GPC5: variants seen among roughly 807,000 people sequenced by gnomAD.
GPC5 encodes the protein glypican 5, also known as glypican-5.
A neutral mutation model predicts 53.9 loss-of-function variants in GPC5; 47 were observed. The observed-to-expected ratio is 0.87, with a 90% CI of 0.69 to 1.11. The LOEUF is 1.11. Ranked by LOEUF, GPC5 falls within the 50% of genes most tolerant of loss-of-function variation. GPC5 has a pLI of 0.00. For synonymous variants in GPC5, 286 were observed against 263.3 expected, an observed-to-expected ratio of 1.09 and a Z score of -0.84; for missense variants, 748 against 713.1, an observed-to-expected ratio of 1.05 and a Z score of -0.56.
At chr13:91,952,988 A>C (rs2040041386) in intron 6 of GPC5, among the ~76,000 whole-genome samples, 1 of 152,208 alleles carries the variant, frequency 6.6e-6, no homozygotes, top group Admixed American at 6.5e-5. Flanking sequence ...TTATTGGCTT[A>C]ATTCAACAAA....
chr13:92,490,868 G>A (rs1879733744), intron 7 of GPC5, among the ~76,000 whole-genome samples: 1 of 151,962 alleles, frequency 6.6e-6, no homozygotes, highest in African/African-American at 2.4e-5. Context: ...GCTAATTATT[G>A]GAGGCAAGAA....
At chr13:92,479,246 C>T (rs78426699) in intron 7 of GPC5, among the ~76,000 whole-genome samples, 5,568 of 152,116 alleles carry the variant, frequency 0.037, 148 homozygotes, top group Non-Finnish European at 0.05. Context: ...AGGGACATAC[C>T]ACGATTGGGC....
chr13:92,125,180 A>G (rs2041684768), intron 6 of GPC5, among the ~76,000 whole-genome samples: 3 of 152,178 alleles, frequency 2.0e-5, no homozygotes, highest in Non-Finnish European at 4.4e-5. Flanking sequence ...GCTTAAAACT[A>G]AAGCCAACAA....
At chr13:92,197,869 C>T (rs980875566) in intron 7 of GPC5, among the ~76,000 whole-genome samples, 7 of 151,960 alleles carry the variant, frequency 4.6e-5, no homozygotes, top group Non-Finnish European at 8.8e-5. Context: ...CAAACAACTC[C>T]GTATGATACC....
At chr13:92,396,268 A>T (rs1875265076) in intron 7 of GPC5, among the ~76,000 whole-genome samples, 1 of 152,166 alleles carries the variant, frequency 6.6e-6, no homozygotes, top group South Asian at 2.1e-4. Flanking sequence ...TTGTAAAGCC[A>T]TGAAAGGCAT....
At chr13:91,801,253 TTGTGTGTGTGTG>T (rs71113762) in intron 5 of GPC5, among the ~76,000 whole-genome samples, 8,010 of 146,378 alleles carry the variant, frequency 0.055, 395 homozygotes, top group East Asian at 0.23. Flanking sequence ...CATCCATACT[TTGTGTGTGTGTG>T]TGTGTGTGTG....
intron 2 of GPC5, among the ~76,000 whole-genome samples, chr13:91,513,343 C>T (rs1314315034): frequency 6.8e-6 from 1 of 146,800 alleles, no homozygotes; most frequent in African/African-American, 2.6e-5. Flanking sequence ...ACTAATTTTA[C>T]TTGTTTTCAT....
chr13:91,742,786 A>G (rs1350337941), intron 4 of GPC5, among the ~76,000 whole-genome samples: 1 of 152,144 alleles, frequency 6.6e-6, no homozygotes, highest in Non-Finnish European at 1.5e-5. Flanking sequence ...TTCAGGCTCC[A>G]TTGGTGTTTC....
At chr13:91,514,236 A>T (rs1885381243) in intron 2 of GPC5, among the ~76,000 whole-genome samples, 2 of 152,204 alleles carry the variant, frequency 1.3e-5, no homozygotes, top group Admixed American at 6.5e-5. Flanking sequence ...TTTTTCCTGA[A>T]TGGCTGTACC....
chr13:91,994,199 T>C (rs1594712048), intron 6 of GPC5, among the ~76,000 whole-genome samples: 1 of 152,316 alleles, frequency 6.6e-6, no homozygotes, highest in South Asian at 2.1e-4. Context: ...AATATGCATG[T>C]ATACCGTAAA....
intron 1 of GPC5, among the ~76,000 whole-genome samples, chr13:91,428,788 T>G (rs1445031686): frequency 6.6e-6 from 1 of 152,206 alleles, no homozygotes; most frequent in Non-Finnish European, 1.5e-5. Context: ...CACGTGCTTA[T>G]TTGAACATAA....
intron 7 of GPC5, among the ~76,000 whole-genome samples, chr13:92,717,101 C>A (rs745457854): frequency 3.3e-5 from 5 of 151,906 alleles, no homozygotes; most frequent in Non-Finnish European, 7.4e-5. Context: ...ACTTCTCAAA[C>A]CGTATTCTTC....
chr13:91,635,727 C>CT (rs1332587968), intron 2 of GPC5, among the ~76,000 whole-genome samples: 2 of 151,996 alleles, frequency 1.3e-5, no homozygotes, highest in Non-Finnish European at 2.9e-5. Flanking sequence ...AATTGCCTAT[C>CT]TTTTTTCTCC....
At chr13:92,116,083 T>C (rs2041598467) in intron 6 of GPC5, among the ~76,000 whole-genome samples, 1 of 151,804 alleles carries the variant, frequency 6.6e-6, no homozygotes, top group Non-Finnish European at 1.5e-5. Context: ...GGAAACTATC[T>C]CTACAAAAAA....
chr13:91,649,794 C>T (rs563399077), intron 2 of GPC5, among the ~76,000 whole-genome samples: 1 of 152,272 alleles, frequency 6.6e-6, no homozygotes, highest in African/African-American at 2.4e-5. Flanking sequence ...TAGTATACTC[C>T]ACATGGCTTG....
chr13:91,820,449 C>T (rs936669408), intron 5 of GPC5, among the ~76,000 whole-genome samples: 2 of 152,090 alleles, frequency 1.3e-5, no homozygotes, highest in African/African-American at 4.8e-5. Flanking sequence ...GATTTCCACT[C>T]GGCCCTCATT....
intron 7 of GPC5, among the ~76,000 whole-genome samples, chr13:92,368,043 G>A (rs1339557927): frequency 3.3e-5 from 5 of 152,096 alleles, no homozygotes; most frequent in Non-Finnish European, 2.9e-5. Context: ...GGAGTGCAGT[G>A]GCATGATCTC....
chr13:92,084,112 G>C (rs562716637), intron 6 of GPC5, among the ~76,000 whole-genome samples: 111 of 152,190 alleles, frequency 7.3e-4, no homozygotes, highest in African/African-American at 2.6e-3. Context: ...AAACACACTG[G>C]GACCTATCCG....
chr13:92,518,184 C>A (rs1880871019), intron 7 of GPC5, among the ~76,000 whole-genome samples: 1 of 152,128 alleles, frequency 6.6e-6, no homozygotes, highest in South Asian at 2.1e-4. Flanking sequence ...GAGAATGGAA[C>A]CAAGTTGGAA....
Sources: gnomAD v4.1 joint callset for allele counts (sites outside exome capture counted in the v4.1 genomes callset) on GRCh38, gnomAD v4.1.1 for gene constraint, MANE v1.5 for transcripts, NCBI Gene and HGNC (gene_info 2026-07-23, HGNC 2026-07-21) for gene names.